Variants in ZNF487 observed in about 807,000 individuals in gnomAD.
ZNF487 encodes the protein KRAB domain only 1.
A neutral mutation model predicts 3.0 loss-of-function variants in ZNF487; 4 were observed. That is an observed-to-expected ratio of 1.35 (90% CI 0.66 to 3.08). The LOEUF (loss-of-function observed/expected upper bound fraction) is 3.08, where lower values mean the gene tolerates loss of function less well. Ranked by LOEUF, ZNF487 falls within the 30% of genes most tolerant of loss-of-function variation. The probability of loss-of-function intolerance (pLI) is 0.01; values close to 1 mark genes in which losing one functional copy is unlikely to be tolerated. For synonymous variants in ZNF487, 55 were observed against 34.6 expected (o/e 1.59, Z -2.06); for missense variants, 146 against 98.7 (o/e 1.48, Z -2.03).
At chr10:43,493,949 T>C in the ZNF487 span, among the ~76,000 whole-genome samples, 1 of 150,776 alleles carries the variant, frequency 6.6e-6, no homozygotes, top group African/African-American at 2.4e-5. Context: ...GAGAATGGCT[T>C]GAACCTGGGA....
chr10:43,501,922 T>C, the ZNF487 span, among the ~76,000 whole-genome samples: 1 of 152,166 alleles, frequency 6.6e-6, no homozygotes. Flanking sequence ...GCAAGACTTG[T>C]ACACTGAAAC....
intron 1 of ZNF487, among the ~76,000 whole-genome samples, chr10:43,458,727 T>C (rs924154079): frequency 6.6e-6 from 1 of 152,036 alleles, no homozygotes; most frequent in African/African-American, 2.4e-5. Context: ...ATCAGTGCAG[T>C]CTGCTGCTTG....
At chr10:43,502,472 T>C in the ZNF487 span, among the ~76,000 whole-genome samples, 79 of 151,996 alleles carry the variant, frequency 5.2e-4, no homozygotes, top group Middle Eastern at 6.8e-3. Flanking sequence ...TGTATACATA[T>C]GTAACAAACC....
chr10:43,467,800 G>T (rs1330313260), intron 1 of ZNF487, among the ~76,000 whole-genome samples: 3 of 147,158 alleles, frequency 2.0e-5, no homozygotes, highest in Non-Finnish European at 3.0e-5. Context: ...GTGGGCAACA[G>T]AATGAGACTC....
chr10:43,473,743 G>T (rs1216190848), intron 1 of ZNF487, among the ~76,000 whole-genome samples: 1 of 152,016 alleles, frequency 6.6e-6, no homozygotes, highest in Non-Finnish European at 1.5e-5. Context: ...ACAACAGCCA[G>T]GCTGGGCAAG....
At chr10:43,507,009 T>G in the ZNF487 span, among the ~76,000 whole-genome samples, 1 of 152,212 alleles carries the variant, frequency 6.6e-6, no homozygotes, top group African/African-American at 2.4e-5. Flanking sequence ...GCTTGTGCTT[T>G]GGCCTTCATT....
At chr10:43,511,702 A>G in the ZNF487 span, among the ~76,000 whole-genome samples, 2 of 152,168 alleles carry the variant, frequency 1.3e-5, no homozygotes, top group Non-Finnish European at 2.9e-5. Context: ...TCTTGCCACC[A>G]TGGCCACTTT....
chr10:43,466,347 A>G (rs1291057840), intron 1 of ZNF487, among the ~76,000 whole-genome samples: 2 of 151,400 alleles, frequency 1.3e-5, no homozygotes, highest in Non-Finnish European at 2.9e-5. Flanking sequence ...CCTGGCTGGC[A>G]TATTTGTTTA....
intron 1 of ZNF487, among the ~76,000 whole-genome samples, chr10:43,470,096 T>C (rs1222527228): frequency 4.6e-5 from 7 of 152,240 alleles, no homozygotes; most frequent in African/African-American, 1.7e-4. Context: ...ATTTGCTTTA[T>C]TGCAGTGGTC....
At chr10:43,439,658 G>T (rs1189027309) in intron 1 of ZNF487, among the ~76,000 whole-genome samples, 1 of 151,602 alleles carries the variant, frequency 6.6e-6, no homozygotes, top group East Asian at 1.9e-4. Context: ...GAGCCGAGAT[G>T]GCACCACTAC....
At chr10:43,478,282 C>T (rs11238554) in intron 3 of ZNF487, among the ~76,000 whole-genome samples, 23 of 151,910 alleles carry the variant, frequency 1.5e-4, no homozygotes, top group East Asian at 3.9e-4. Context: ...AGGCCAGGCG[C>T]GGTGGCTCAT....
At chr10:43,453,727 T>C (rs893355761) in intron 1 of ZNF487, 2 of 152,204 alleles carry the variant, frequency 1.3e-5, no homozygotes, top group African/African-American at 2.4e-5. Flanking sequence ...TTGTTATTAA[T>C]GTGATGATGT....
At position 43,457,118 on chromosome 10, in the gene ZNF487, C is replaced by T. The variant is rs150517885; in HGVS notation, c.-93-18603C>T. ...ACTCCAGAGGGGTGAATGTCCAGGT[C>T]ATCCCATTCATTAGCTACTCCAGAG... On this transcript the variant is annotated intron_variant, in intron 1 of 3. Coordinates refer to ENST00000437590, the MANE Select transcript of ZNF487 (RefSeq NM_001355444.3). 4.4e-3 allele frequency among the ~76,000 whole-genome samples: 666 copies of T among 152,234 alleles called. 2 individuals are homozygous for T. The highest frequency in any genetic ancestry group is 0.015 in the African/African-American group (631 of 41,538).
At chr10:43,522,869 G>A in the ZNF487 span, among the ~76,000 whole-genome samples, 10 of 152,156 alleles carry the variant, frequency 6.6e-5, no homozygotes, top group Admixed American at 2.6e-4. Context: ...TTTCTTTGCC[G>A]TCACCCCTCA....
At chr10:43,499,718 T>C in the ZNF487 span, among the ~76,000 whole-genome samples, 137 of 150,956 alleles carry the variant, frequency 9.1e-4, 1 homozygote, top group Middle Eastern at 0.014. Flanking sequence ...ACTGTCACAC[T>C]CCAACTTGGG....
intron 1 of ZNF487, among the ~76,000 whole-genome samples, chr10:43,462,522 C>A (rs181854276): frequency 1.4e-5 from 2 of 141,994 alleles, no homozygotes; most frequent in Non-Finnish European, 3.0e-5. Context: ...GTGGCGTGAT[C>A]TCAGCTCACT....
chr10:43,459,094 C>T (rs545083650), intron 1 of ZNF487, among the ~76,000 whole-genome samples: 7 of 152,226 alleles, frequency 4.6e-5, no homozygotes, highest in Admixed American at 1.3e-4. Flanking sequence ...TTTAATCTCC[C>T]TAAAATGTCT....
chr10:43,451,150 T>G (rs1839994597), intron 1 of ZNF487, among the ~76,000 whole-genome samples: 1 of 151,704 alleles, frequency 6.6e-6, no homozygotes, highest in African/African-American at 2.4e-5. Context: ...TTTTCCATGT[T>G]GGTCAGACTG....
the ZNF487 span, among the ~76,000 whole-genome samples, chr10:43,519,536 T>C: frequency 2.0e-5 from 3 of 151,934 alleles, no homozygotes; most frequent in Non-Finnish European, 4.4e-5. Context: ...GGTGCGATCT[T>C]GGCTCACTAG....
Sources: gnomAD v4.1 joint callset for allele counts (sites outside exome capture counted in the v4.1 genomes callset) on GRCh38, gnomAD v4.1.1 for gene constraint, MANE v1.5 for transcripts, NCBI Gene and HGNC (gene_info 2026-07-23, HGNC 2026-07-21) for gene names.